TFF1: variants seen among roughly 807,000 people sequenced by gnomAD.
TFF1 encodes the protein breast cancer estrogen-inducible protein.
A neutral mutation model predicts 7.7 loss-of-function variants in TFF1; 8 were observed. The observed-to-expected ratio is 1.04, with a 90% CI of 0.61 to 1.87. The LOEUF is 1.87. Ranked by LOEUF, TFF1 falls within the 40% of genes most tolerant of loss-of-function variation. The pLI is 0.00. For missense variants in TFF1, 120 were observed against 113.4 expected (o/e 1.06, Z -0.26); for synonymous variants, 47 against 44.8 (o/e 1.05, Z -0.19).
At chr21:42,362,640 G>A (rs2146404302) in intron 2 of TFF1, 145 bp from the exon 3 acceptor site, 1 of 980,156 alleles carries the variant, frequency 1.0e-6, no homozygotes, top group Non-Finnish European at 1.4e-6. Flanking sequence ...GGGCACGGTG[G>A]CTCACGCCTG....
rs777682030 is a variant in TFF1, at chr21:42,363,359, C to G, written c.134G>C (p.Gly45Ala). 3.1e-6 allele frequency: 5 copies of G among 1,614,020 alleles called. No individual in the cohort carries two copies. Among genetic ancestry groups the G allele is most frequent in the Non-Finnish European group, 4.2e-6 (5 of 1,180,044 alleles). The change falls in exon 2 of 3, where the codon GGT becomes GCT. Residue 45 changes from glycine (G) to alanine (A), a missense_variant. Transcript: ENST00000291527. ...PRERQNCGFP[G>A]VTPSQCANKG... ...ATTTGCACACTGGGAGGGCGTGACA[C>G]CAGGAAAACCACAATTCTGTCTTTC...
intron 1 of TFF1, 24 bp downstream of exon 1, chr21:42,366,387 A>G (rs1245931955): frequency 1.3e-6 from 2 of 1,570,520 alleles, no homozygotes; most frequent in African/African-American, 1.4e-5. Flanking sequence ...GTGGCCCCAC[A>G]GAGCAGGAAG....
chr21:42,363,405 T>C lies in TFF1; in HGVS notation c.88A>G (p.Thr30Ala). 1 of 1,613,590 alleles carries C rather than the reference T, an allele frequency of 6.2e-7. No individual in the cohort carries two copies. The highest frequency in any genetic ancestry group is 8.5e-7 in the Non-Finnish European group (1 of 1,179,804). ...CTTTCACGGGGGGCCACTGTACACG[T>C]CTCTGAAAGTGCACAGGTAAGAAGC... The part of the protein sequence containing the change: ...LGTLAEAQTE[T>A]CTVAPRERQN... The change falls in exon 2 of 3, where the codon ACG (threonine) becomes GCG (alanine). Residue 30 changes from threonine to alanine, a missense_variant and splice_region_variant. Coordinates refer to ENST00000291527, the MANE Select transcript of TFF1 (RefSeq NM_003225.3).
At chr21:42,364,837 C>T (rs1373450577) in intron 1 of TFF1, among the ~76,000 whole-genome samples, 2 of 152,202 alleles carry the variant, frequency 1.3e-5, no homozygotes, top group African/African-American at 2.4e-5. Flanking sequence ...GTTCAGCTCC[C>T]GCTGCCCAGC....
At chr21:42,363,120 C>A (rs2052252162) in intron 2 of TFF1, 135 bp downstream of exon 2, 2 of 1,139,482 alleles carry the variant, frequency 1.8e-6, no homozygotes, top group East Asian at 2.5e-5. Flanking sequence ...TCAGGCTACC[C>A]CATTGCACCA....
rs546517958 is a variant in TFF1 at position 42,362,647 on chromosome 21, C to T, written c.239-152G>A. On this transcript the variant is annotated intron_variant, in intron 2 of 2. Coordinates refer to ENST00000291527, the MANE Select transcript of TFF1 (RefSeq NM_003225.3). ...TGTCAGCCGGGCACGGTGGCTCACGCCTGTAATCCCAGCTCTCTGGGAGGC... is the reference window on the plus strand; with the variant it reads ...TGTCAGCCGGGCACGGTGGCTCACGTCTGTAATCCCAGCTCTCTGGGAGGC... 5.4e-6 allele frequency: 5 copies of T among 923,702 alleles called. No individual in the cohort carries two copies. In the African/African-American group the frequency reaches 8.6e-5, roughly 16 times the overall value. The allele number at this position is 923,702 out of a possible 1,614,324, so 57.2% of individuals were successfully genotyped here.
intron 1 of TFF1, among the ~76,000 whole-genome samples, chr21:42,365,259 G>A (rs1230375238): frequency 6.6e-6 from 1 of 151,830 alleles, no homozygotes; most frequent in South Asian, 2.1e-4. Flanking sequence ...CACAGCACAG[G>A]GGGCAGAGCT....
intron 1 of TFF1, among the ~76,000 whole-genome samples, chr21:42,364,955 AG>A (rs2052267922): frequency 6.6e-6 from 1 of 151,974 alleles, no homozygotes; most frequent in African/African-American, 2.4e-5. Flanking sequence ...CCCCGTGGTG[AG>A]GGAGGATCAT....
chr21:42,364,895 G>A (rs568202633), intron 1 of TFF1, among the ~76,000 whole-genome samples: 21 of 152,276 alleles, frequency 1.4e-4, no homozygotes, highest in Non-Finnish European at 1.9e-4. Flanking sequence ...CCATCGCGAC[G>A]TGAAGGTGAT....
chr21:42,366,348 G>A, intron 1 of TFF1, 63 bp downstream of exon 1: 1 of 1,312,216 alleles, frequency 7.6e-7, no homozygotes. Flanking sequence ...TAAAACAGTG[G>A]CTCCTGGCGG....
rs1481559397 is a variant in TFF1, at chr21:42,366,412, T to C, written c.84A>G (p.Thr28=). The C allele has an allele frequency of 2.5e-6, 4 of 1,608,942 alleles. No individual in the cohort carries two copies. Among genetic ancestry groups the C allele is most frequent in the Admixed American group, 1.7e-5 (1 of 59,818 alleles). ...AGAGCAGGAAGAAGCACGCCTTACC[T>C]GTCTGGGCCTCGGCCAGGGTGCCGA... ...LALGTLAEAQ[T]ETCTVAPRER... Residue 28 remains threonine (T), a splice_region_variant and synonymous_variant, in exon 1 of 3, where the codon ACA becomes ACG. Coordinates refer to ENST00000291527, the MANE Select transcript of TFF1 (RefSeq NM_003225.3).
At position 42,363,167 on chromosome 21, in the gene TFF1, G is replaced by A. The variant is rs1336154062; in HGVS notation, c.238+88C>T. 6.4e-6 allele frequency: 10 copies of A among 1,558,728 alleles called. No individual in the cohort carries two copies. In the East Asian group the frequency reaches 2.2e-4, roughly 35 times the overall value. Reference sequence around the variant, plus strand: ...CGTGACTCTGTGTAAAGGCATAGCTGGTGATGCTGATCAGAGCCTCTGTAG... The same window carrying A: ...CGTGACTCTGTGTAAAGGCATAGCTAGTGATGCTGATCAGAGCCTCTGTAG... On this transcript the variant is annotated intron_variant, in intron 2 of 2. Transcript: ENST00000291527.
Position 42,366,528 on chromosome 21 carries a change from T to A in TFF1, c.-33A>T. On this transcript the variant is annotated 5_prime_UTR_variant, in exon 1 of 3. Coordinates refer to ENST00000291527, the MANE Select transcript of TFF1 (RefSeq NM_003225.3). ...TCTCTGCTCCAAAGGCGACCCCGAG[T>A]CAGGGATGAGAGGCCGCCCGAGCCC... is the stretch of plus-strand genomic sequence containing the variant. 1 of 1,587,820 alleles carries A rather than the reference T, an allele frequency of 6.3e-7. No homozygotes were observed. The highest frequency in any genetic ancestry group is 8.6e-7 in the Non-Finnish European group (1 of 1,161,294).
chr21:42,363,988 T>C (rs2052259738), intron 1 of TFF1, among the ~76,000 whole-genome samples: 1 of 151,728 alleles, frequency 6.6e-6, no homozygotes, highest in Non-Finnish European at 1.5e-5. Flanking sequence ...ACGTCTGTAA[T>C]CCCAGCTACT....
intron 1 of TFF1, among the ~76,000 whole-genome samples, chr21:42,364,101 C>T (rs373325126): frequency 0.013 from 1,732 of 137,808 alleles, 33 homozygotes; most frequent in African/African-American, 0.048. Flanking sequence ...AGCAAGACTC[C>T]ATCTCAAAAA....
intron 1 of TFF1, among the ~76,000 whole-genome samples, chr21:42,365,641 G>A (rs184710930): frequency 6.6e-6 from 1 of 152,298 alleles, no homozygotes; most frequent in East Asian, 1.9e-4. Context: ...CGGCAAATAA[G>A]TTATTCAGCT....
chr21:42,366,262 G>C (rs13051704), intron 1 of TFF1, 149 bp downstream of exon 1: 57,631 of 556,456 alleles, frequency 0.1, 4,002 homozygotes, highest in East Asian at 0.25. Context: ...TGCTTTTGCC[G>C]ATCCTGTAAA....
chr21:42,364,090 G>A (rs1173629279), intron 1 of TFF1, among the ~76,000 whole-genome samples: 7 of 142,546 alleles, frequency 4.9e-5, no homozygotes, highest in Non-Finnish European at 9.0e-5. Context: ...CTGAGTGACA[G>A]AGCAAGACTC....
chr21:42,362,883 G>A (rs368889378), intron 2 of TFF1, among the ~76,000 whole-genome samples: 3 of 146,952 alleles, frequency 2.0e-5, no homozygotes, highest in Admixed American at 6.8e-5. Context: ...CAGGGGCAAC[G>A]GAGCGAGACT....
Sources: allele counts gnomAD v4.1 joint callset (sites outside exome capture counted in the v4.1 genomes callset), GRCh38; gene constraint gnomAD v4.1.1; transcripts MANE v1.5; gene names NCBI Gene and HGNC (gene_info 2026-07-23, HGNC 2026-07-21).